The following DIAPH3 variants were observed in gnomAD, a reference collection of about 807,000 sequenced individuals.
DIAPH3 encodes protein diaphanous homolog 3.
DIAPH3 carries 117 observed loss-of-function variants against 144.3 expected under a neutral mutation model. The ratio of observed to expected loss-of-function variants is 0.81; its 90% CI spans 0.70 to 0.95. DIAPH3 has a LOEUF of 0.95. Among genes scored for constraint, DIAPH3 ranks in the 40% least tolerant of loss-of-function variants. The pLI is 0.00. For missense variants in DIAPH3, 1,421 were observed against 1,412.7 expected (o/e 1.01, Z -0.09); for synonymous variants, 519 against 488.9 (o/e 1.06, Z -0.81).
At chr13:59,925,429 C>A (rs2047707648) in intron 17 of DIAPH3, among the ~76,000 whole-genome samples, 1 of 152,078 alleles carries the variant, frequency 6.6e-6, no homozygotes, top group South Asian at 2.1e-4. Context: ...GTATTATCTT[C>A]GTGATGTACT....
intron 5 of DIAPH3, among the ~76,000 whole-genome samples, chr13:60,031,679 A>T (rs1462572669): frequency 6.7e-6 from 1 of 148,762 alleles, no homozygotes; most frequent in African/African-American, 2.5e-5. Flanking sequence ...AGCCAAAACA[A>T]AGGGGCTACA....
At chr13:59,999,839 C>T (rs1158799297) in intron 9 of DIAPH3, among the ~76,000 whole-genome samples, 1 of 152,168 alleles carries the variant, frequency 6.6e-6, no homozygotes, top group African/African-American at 2.4e-5. Context: ...ACAGGCATTT[C>T]CTCTAGTCCC....
chr13:59,779,556 G>C (rs2038620276), intron 25 of DIAPH3, among the ~76,000 whole-genome samples: 3 of 150,872 alleles, frequency 2.0e-5, no homozygotes, highest in Admixed American at 1.3e-4. Flanking sequence ...CTGTCGCCCA[G>C]ACTGGAGTGC....
At chr13:59,707,088 CA>C (rs1367356526) in intron 27 of DIAPH3, among the ~76,000 whole-genome samples, 1 of 152,104 alleles carries the variant, frequency 6.6e-6, no homozygotes, top group African/African-American at 2.4e-5. Context: ...GACTTTAACA[CA>C]AAATGAAGTC....
At chr13:59,954,977 G>A (rs2049308210) in intron 17 of DIAPH3, among the ~76,000 whole-genome samples, 1 of 151,554 alleles carries the variant, frequency 6.6e-6, no homozygotes, top group African/African-American at 2.4e-5. Flanking sequence ...GTGGGGACAT[G>A]GAGACAAACC....
At chr13:60,069,750 C>T (rs193072829) in intron 4 of DIAPH3, among the ~76,000 whole-genome samples, 132 of 152,054 alleles carry the variant, frequency 8.7e-4, no homozygotes, top group Non-Finnish European at 1.3e-3. Context: ...CCCTACGGCT[C>T]GTTATTGTCA....
At chr13:60,081,828 T>C (rs2057568928) in intron 4 of DIAPH3, among the ~76,000 whole-genome samples, 1 of 151,948 alleles carries the variant, frequency 6.6e-6, no homozygotes, top group African/African-American at 2.4e-5. Flanking sequence ...AAAGCAGCAG[T>C]TGGAACTGGA....
intron 4 of DIAPH3, among the ~76,000 whole-genome samples, chr13:60,048,556 G>C (rs1175383464): frequency 1.3e-5 from 2 of 152,036 alleles, no homozygotes; most frequent in Non-Finnish European, 2.9e-5. Flanking sequence ...GATACTCCTG[G>C]AACTCTTCTA....
At chr13:60,122,751 C>G (rs1467800945) in intron 2 of DIAPH3, among the ~76,000 whole-genome samples, 1 of 151,456 alleles carries the variant, frequency 6.6e-6, no homozygotes. Context: ...AGAGTAGGCC[C>G]CTACACTAAA....
At chr13:59,885,448 TAA>T (rs67977635) in intron 20 of DIAPH3, among the ~76,000 whole-genome samples, 10 of 93,076 alleles carry the variant, frequency 1.1e-4, no homozygotes, top group African/African-American at 1.7e-4. Context: ...CTTCTTTCAC[TAA>T]AAAAAAAAAA....
At chr13:59,847,468 A>T (rs2042709650) in intron 22 of DIAPH3, among the ~76,000 whole-genome samples, 1 of 152,188 alleles carries the variant, frequency 6.6e-6, no homozygotes, top group Non-Finnish European at 1.5e-5. Context: ...GAGGGTATTA[A>T]AGGCGGCAGC....
chr13:59,679,777 C>A (rs1191992201), intron 27 of DIAPH3, among the ~76,000 whole-genome samples: 1 of 150,916 alleles, frequency 6.6e-6, no homozygotes, highest in Non-Finnish European at 1.5e-5. Flanking sequence ...AAATACTTGG[C>A]AATTCATTAA....
At chr13:59,960,701 C>A (rs1181051030) in intron 17 of DIAPH3, among the ~76,000 whole-genome samples, 1 of 152,064 alleles carries the variant, frequency 6.6e-6, no homozygotes, top group African/African-American at 2.4e-5. Flanking sequence ...TTTTATGAGA[C>A]TGAATGAGCT....
intron 27 of DIAPH3, among the ~76,000 whole-genome samples, chr13:59,693,366 G>A (rs2033638275): frequency 6.6e-6 from 1 of 152,198 alleles, no homozygotes; most frequent in East Asian, 1.9e-4. Flanking sequence ...GGGCTGGCCA[G>A]ATGTCCTTTT....
chr13:60,051,783 G>A (rs867798095), intron 4 of DIAPH3, among the ~76,000 whole-genome samples: 53 of 152,280 alleles, frequency 3.5e-4, no homozygotes, highest in Middle Eastern at 3.4e-3. Flanking sequence ...CAGATCTGAT[G>A]ATTAGAAAGT....
intron 27 of DIAPH3, among the ~76,000 whole-genome samples, chr13:59,709,031 C>T (rs761467370): frequency 2.6e-5 from 4 of 151,926 alleles, no homozygotes; most frequent in Non-Finnish European, 1.5e-5. Flanking sequence ...TACTTTCAGA[C>T]ACATATAAAC....
intron 22 of DIAPH3, among the ~76,000 whole-genome samples, chr13:59,845,518 C>G (rs548942806): frequency 6.6e-6 from 1 of 152,224 alleles, no homozygotes; most frequent in African/African-American, 2.4e-5. Context: ...ATCTGAGTTC[C>G]TAAACAAAGC....
chr13:59,960,390 C>G (rs879320997), intron 17 of DIAPH3, among the ~76,000 whole-genome samples: 2 of 152,144 alleles, frequency 1.3e-5, no homozygotes, highest in African/African-American at 2.4e-5. Context: ...GCTTGCACCA[C>G]ACAAATGGAG....
intron 17 of DIAPH3, among the ~76,000 whole-genome samples, chr13:59,969,107 G>C (rs1338110914): frequency 1.3e-5 from 2 of 152,138 alleles, no homozygotes; most frequent in African/African-American, 2.4e-5. Flanking sequence ...ATTCTGTGTG[G>C]ATATCAGCCT....
Sources: gnomAD v4.1 joint callset for allele counts (sites outside exome capture counted in the v4.1 genomes callset) on GRCh38, gnomAD v4.1.1 for gene constraint, MANE v1.5 for transcripts, NCBI Gene and HGNC (gene_info 2026-07-23, HGNC 2026-07-21) for gene names.